Variants in ENOX1 observed in about 807,000 individuals in gnomAD.
The protein encoded by ENOX1 is ecto-NOX disulfide-thiol exchanger 1.
Under a neutral mutation model 82.5 loss-of-function variants are expected in ENOX1, and 42 were observed. The ratio of observed to expected loss-of-function variants is 0.51; its 90% CI spans 0.40 to 0.66. ENOX1 has a LOEUF of 0.66. ENOX1 is among the 30% of genes least tolerant of loss of function. The pLI, the probability that ENOX1 is intolerant of heterozygous loss-of-function variation, is 0.00. For synonymous variants in ENOX1, 271 were observed against 282.2 expected (o/e 0.96, Z 0.40); for missense variants, 608 against 811.6 (o/e 0.75, Z 3.05).
chr13:43,511,185 T>TTG (rs1566417870), intron 2 of ENOX1, among the ~76,000 whole-genome samples: 6 of 152,178 alleles, frequency 3.9e-5, no homozygotes, highest in African/African-American at 1.4e-4. Flanking sequence ...TCAGGCTCTC[T>TTG]ATCCATTCTT....
chr13:43,594,548 C>T (rs78235548), intron 2 of ENOX1, among the ~76,000 whole-genome samples: 2,475 of 152,266 alleles, frequency 0.016, 64 homozygotes, highest in African/African-American at 0.057. Context: ...AAGTAACTAT[C>T]TTTGGTTTAT....
At chr13:43,658,385 T>C (rs1356202923) in intron 2 of ENOX1, among the ~76,000 whole-genome samples, 1 of 152,200 alleles carries the variant, frequency 6.6e-6, no homozygotes, top group African/African-American at 2.4e-5. Flanking sequence ...ATGAGGAAGA[T>C]GAGGGTTAGG....
chr13:43,542,715 C>A (rs996459158), intron 2 of ENOX1, among the ~76,000 whole-genome samples: 1 of 152,152 alleles, frequency 6.6e-6, no homozygotes, highest in Non-Finnish European at 1.5e-5. Context: ...GGATTACAGG[C>A]GTGAGCCACG....
Position 43,322,370 on chromosome 13 carries a change from GTTATCGGCA to G in ENOX1, c.1261+5_1261+13del. Reference sequence around the variant, plus strand: ...TATGATACCTCATGGGTCTGTGGCAGTTATCGGCATTACCTGATTCATCGACTCTCATTT... The same window carrying G: ...TATGATACCTCATGGGTCTGTGGCAGTTACCTGATTCATCGACTCTCATTT... On this transcript the variant is annotated splice_donor_5th_base_variant and intron_variant, in intron 11 of 16. Transcript: ENST00000690772. 1 of 1,599,058 alleles carries G rather than the reference GTTATCGGCA, an allele frequency of 6.3e-7. No individual in the cohort carries two copies. The highest frequency in any genetic ancestry group is 8.6e-7 in the Non-Finnish European group (1 of 1,166,530).
At chr13:43,404,521 C>G (rs1239339896) in intron 5 of ENOX1, among the ~76,000 whole-genome samples, 2 of 152,192 alleles carry the variant, frequency 1.3e-5, no homozygotes, top group Non-Finnish European at 2.9e-5. Flanking sequence ...AATATTACTA[C>G]TTTAGGGGAA....
chr13:43,446,160 T>C (rs550103386), intron 3 of ENOX1, among the ~76,000 whole-genome samples: 5 of 151,660 alleles, frequency 3.3e-5, no homozygotes, highest in African/African-American at 1.2e-4. Flanking sequence ...GGGTTTGTCC[T>C]GTGCCTTGTT....
intron 8 of ENOX1, among the ~76,000 whole-genome samples, chr13:43,349,385 G>C (rs942261250): frequency 1.3e-5 from 2 of 152,172 alleles, no homozygotes; most frequent in Non-Finnish European, 2.9e-5. Context: ...GAACGTAATT[G>C]CTCTTTAGCT....
intron 1 of ENOX1, among the ~76,000 whole-genome samples, chr13:43,715,319 C>T (rs892168207): frequency 2.0e-5 from 3 of 152,054 alleles, no homozygotes; most frequent in Admixed American, 6.6e-5. Flanking sequence ...GGTAACCCGA[C>T]CTTTCTCTCT....
chr13:43,629,762 C>T (rs1427812386), intron 2 of ENOX1, among the ~76,000 whole-genome samples: 1 of 152,198 alleles, frequency 6.6e-6, no homozygotes, highest in African/African-American at 2.4e-5. Flanking sequence ...TTTGCCCTCA[C>T]ATCTGCCATT....
chr13:43,769,641 T>C (rs1020606074), intron 1 of ENOX1, among the ~76,000 whole-genome samples: 3 of 152,160 alleles, frequency 2.0e-5, no homozygotes, highest in Admixed American at 6.5e-5. Context: ...GGCTCCCAAA[T>C]AGTCTATCTC....
intron 2 of ENOX1, among the ~76,000 whole-genome samples, chr13:43,509,860 C>T (rs909823605): frequency 6.6e-6 from 1 of 151,812 alleles, no homozygotes. Flanking sequence ...AAAATGTCTC[C>T]CCAACCCCCA....
intron 14 of ENOX1, among the ~76,000 whole-genome samples, chr13:43,247,881 A>T (rs1276051419): frequency 0.64 from 8,384 of 13,022 alleles, 2,230 homozygotes; most frequent in East Asian, 0.79. Flanking sequence ...ATATATATAT[A>T]TATTTTTTTT....
intron 9 of ENOX1, among the ~76,000 whole-genome samples, chr13:43,327,016 C>T (rs1038171287): frequency 3.9e-5 from 6 of 152,208 alleles, no homozygotes; most frequent in Non-Finnish European, 7.3e-5. Context: ...ATTATCATGT[C>T]CAAGTTCCAA....
chr13:43,668,901 C>T (rs2153789617), intron 1 of ENOX1, among the ~76,000 whole-genome samples: 1 of 152,276 alleles, frequency 6.6e-6, no homozygotes, highest in South Asian at 2.1e-4. Context: ...GAGCCAACTA[C>T]CTTATTTCAA....
At chr13:43,609,624 A>C (rs538065297) in intron 2 of ENOX1, among the ~76,000 whole-genome samples, 10 of 152,226 alleles carry the variant, frequency 6.6e-5, no homozygotes, top group Non-Finnish European at 1.5e-4. Flanking sequence ...TGTAGCATCT[A>C]ATTATTTTTC....
At chr13:43,629,221 T>TG (rs2083100569) in intron 2 of ENOX1, among the ~76,000 whole-genome samples, 1 of 152,066 alleles carries the variant, frequency 6.6e-6, no homozygotes, top group African/African-American at 2.4e-5. Context: ...CGGGTAAGAG[T>TG]GGGGCCACAA....
intron 1 of ENOX1, among the ~76,000 whole-genome samples, chr13:43,711,590 C>T (rs1272752836): frequency 2.3e-4 from 35 of 151,904 alleles, no homozygotes; most frequent in Non-Finnish European, 5.0e-4. Context: ...CTGTTGTTTC[C>T]TGACTTTTTA....
intron 2 of ENOX1, among the ~76,000 whole-genome samples, chr13:43,600,023 C>G (rs181061377): frequency 6.6e-6 from 1 of 152,024 alleles, no homozygotes; most frequent in East Asian, 1.9e-4. Context: ...CAGTAGGACC[C>G]AGGCACTACT....
intron 2 of ENOX1, among the ~76,000 whole-genome samples, chr13:43,552,157 C>A (rs1049253665): frequency 2.0e-5 from 3 of 152,148 alleles, no homozygotes; most frequent in Non-Finnish European, 4.4e-5. Flanking sequence ...AAATAAAACA[C>A]CGAAGTATTC....
Sources: allele counts gnomAD v4.1 joint callset (sites outside exome capture counted in the v4.1 genomes callset), GRCh38; gene constraint gnomAD v4.1.1; transcripts MANE v1.5; gene names NCBI Gene and HGNC (gene_info 2026-07-23, HGNC 2026-07-21).